Variants in ARPP21 observed in about 807,000 individuals in gnomAD.
ARPP21 encodes cAMP-regulated phosphoprotein 21.
Under a neutral mutation model 113.2 loss-of-function variants are expected in ARPP21, and 69 were observed. The ratio of observed to expected loss-of-function variants is 0.61; its 90% CI spans 0.50 to 0.74. The LOEUF is 0.74. Ranked by LOEUF, ARPP21 falls within the 30% of genes least tolerant of loss-of-function variation. The pLI is 0.00. For missense variants in ARPP21, 1,070 were observed against 1,037.4 expected (o/e 1.03, Z -0.43); for synonymous variants, 368 against 375.5 (o/e 0.98, Z 0.23).
chr3:35,666,517 T>A (rs929646491), intron 1 of ARPP21, among the ~76,000 whole-genome samples: 14 of 152,210 alleles, frequency 9.2e-5, no homozygotes, highest in Non-Finnish European at 1.6e-4. Flanking sequence ...CAACTAGTTT[T>A]AAAATTTTTG....
rs569825634 is a variant in ARPP21, at chr3:35,660,533, A to G, written c.-212-19254A>G. Among the ~76,000 whole-genome samples the G allele has an allele frequency of 1.1e-4, 16 of 152,292 alleles. No individual in the cohort carries two copies. In the East Asian group the frequency reaches 2.9e-3, roughly 28 times the overall value. The stretch of plus-strand genomic sequence containing the variant: ...TTGCCCTCGAAATCTCTTCTGTGCC[A>G]TCCTTGGAGAAAGGTCTGGAAAAGG... On this transcript the variant is annotated intron_variant, in intron 1 of 20. Transcript: ENST00000684406.
intron 19 of ARPP21, among the ~76,000 whole-genome samples, chr3:35,786,758 C>T (rs983306296): frequency 6.6e-6 from 1 of 151,944 alleles, no homozygotes. Context: ...TTCCTTGTGC[C>T]CGAGGACCCC....
intron 19 of ARPP21, among the ~76,000 whole-genome samples, chr3:35,758,489 G>C (rs760644679): frequency 2.0e-5 from 3 of 151,558 alleles, no homozygotes; most frequent in African/African-American, 4.8e-5. Flanking sequence ...ACAATTCAAG[G>C]AGCTCACACT....
intron 19 of ARPP21, chr3:35,792,055 T>C (rs2096758301): frequency 5.6e-6 from 1 of 179,830 alleles, no homozygotes; most frequent in East Asian, 1.4e-4. Flanking sequence ...AAGCCAAATA[T>C]GAAAGGTGTA....
intron 13 of ARPP21, among the ~76,000 whole-genome samples, chr3:35,718,909 CAAA>C (rs35647414): frequency 4.0e-4 from 29 of 71,920 alleles, no homozygotes; most frequent in South Asian, 1.4e-3. Flanking sequence ...GTAACCTGTG[CAAA>C]AAAAAAAAAA....
chr3:35,707,798 A>T (rs1267691729), intron 10 of ARPP21, among the ~76,000 whole-genome samples: 1 of 151,934 alleles, frequency 6.6e-6, no homozygotes, highest in Admixed American at 6.6e-5. Context: ...TCTTCTTTAG[A>T]TTGGCGGGGG....
intron 1 of ARPP21, among the ~76,000 whole-genome samples, chr3:35,661,901 C>T (rs1291394652): frequency 6.6e-6 from 1 of 152,014 alleles, no homozygotes; most frequent in African/African-American, 2.4e-5. Context: ...ACTTCATGGG[C>T]ACTAACTAAT....
At chr3:35,790,797 A>G (rs961800430) in intron 19 of ARPP21, among the ~76,000 whole-genome samples, 2 of 152,244 alleles carry the variant, frequency 1.3e-5, no homozygotes, top group African/African-American at 4.8e-5. Flanking sequence ...TATTCGTAAT[A>G]TGTGGTGTCT....
At chr3:35,683,945 C>CT (rs1435062374) in intron 5 of ARPP21, 130 bp downstream of exon 5, 1 of 1,151,044 alleles carries the variant, frequency 8.7e-7, no homozygotes, top group African/African-American at 1.5e-5. Flanking sequence ...CATTTTTTGG[C>CT]TTTATCCCCT....
At chr3:35,715,530 T>A (rs1423694141) in intron 12 of ARPP21, 54 bp downstream of exon 12, 1 of 1,417,950 alleles carries the variant, frequency 7.1e-7, no homozygotes, top group African/African-American at 1.4e-5. Flanking sequence ...CTGTCATGTG[T>A]GTCTTGTGTA....
At chr3:35,646,869 C>G (rs576154325) in intron 1 of ARPP21, among the ~76,000 whole-genome samples, 1 of 152,216 alleles carries the variant, frequency 6.6e-6, no homozygotes, top group East Asian at 1.9e-4. Context: ...GTACTAAATT[C>G]AAAAATTTCA....
intron 9 of ARPP21, among the ~76,000 whole-genome samples, 188 bp from the exon 10 acceptor site, chr3:35,706,786 C>T (rs867645239): frequency 6.6e-6 from 1 of 152,076 alleles, no homozygotes; most frequent in African/African-American, 2.4e-5. Context: ...AAATTCAAAA[C>T]AACAAAAAGT....
At chr3:35,646,904 T>C (rs1375750159) in intron 1 of ARPP21, among the ~76,000 whole-genome samples, 1 of 152,198 alleles carries the variant, frequency 6.6e-6, no homozygotes, top group East Asian at 1.9e-4. Flanking sequence ...CTGGTATTAA[T>C]GATTCATCAT....
At chr3:35,711,996 G>T (rs1348830083) in intron 11 of ARPP21, among the ~76,000 whole-genome samples, 2 of 152,118 alleles carry the variant, frequency 1.3e-5, no homozygotes, top group Non-Finnish European at 2.9e-5. Flanking sequence ...AATATCAAAA[G>T]GCAGGGATCA....
chr3:35,706,828 T>C, intron 9 of ARPP21, 146 bp from the exon 10 acceptor site: 1 of 601,528 alleles, frequency 1.7e-6, no homozygotes, highest in South Asian at 2.3e-5. Flanking sequence ...TATTATTACC[T>C]ACCTGTATAT....
At chr3:35,671,082 A>T (rs917112424) in intron 1 of ARPP21, among the ~76,000 whole-genome samples, 1 of 152,112 alleles carries the variant, frequency 6.6e-6, no homozygotes, top group Non-Finnish European at 1.5e-5. Flanking sequence ...GAGTCTCTGT[A>T]AAGGCACATA....
intron 9 of ARPP21, among the ~76,000 whole-genome samples, chr3:35,691,436 AT>A (rs773703451): frequency 1.3e-5 from 2 of 151,552 alleles, no homozygotes; most frequent in Non-Finnish European, 3.0e-5. Context: ...TTCTGGAGTA[AT>A]AAAAAGCTCC....
In ARPP21 at chr3:35,794,248, A is replaced by G. The variant is rs1235277601; in HGVS notation, c.*290A>G. ...CCACTGTGTAGATTATAATATCCCT[A>G]ATTTGGATTAGTTTTGTACTTTGTG... On this transcript the variant is annotated 3_prime_UTR_variant, in exon 21 of 21. Transcript: ENST00000684406. 2.6e-6 allele frequency: 1 copy of G among 384,696 alleles called. No individual in the cohort carries two copies. Among genetic ancestry groups the G allele is most frequent in the Non-Finnish European group, 4.7e-6 (1 of 212,890 alleles). 23.8% of individuals were successfully genotyped at this position (384,696 alleles called of 1,614,324 possible).
intron 19 of ARPP21, among the ~76,000 whole-genome samples, chr3:35,779,739 A>G (rs1359853896): frequency 6.6e-6 from 1 of 152,226 alleles, no homozygotes; most frequent in Non-Finnish European, 1.5e-5. Flanking sequence ...TACAACCTAA[A>G]AAACATCAGG....
Sources: gnomAD v4.1 joint callset for allele counts (sites outside exome capture counted in the v4.1 genomes callset) on GRCh38, gnomAD v4.1.1 for gene constraint, MANE v1.5 for transcripts, NCBI Gene and HGNC (gene_info 2026-07-23, HGNC 2026-07-21) for gene names.